VWF: variants seen among roughly 807,000 people sequenced by gnomAD.
VWF encodes von Willebrand factor, also known as Factor VIII related antigen.
A neutral mutation model predicts 308.6 loss-of-function variants in VWF; 176 were observed. The observed-to-expected ratio is 0.57, with a 90% confidence interval of 0.50 to 0.65. VWF has a LOEUF of 0.65. Ranked by LOEUF, VWF falls within the 30% of genes least tolerant of loss-of-function variation. The pLI is 0.00. For missense variants in VWF, 3,146 were observed against 3,648.2 expected (o/e 0.86, Z 3.55); for synonymous variants, 1,385 against 1,443.4 (o/e 0.96, Z 0.92).
rs1944586272 is a variant in VWF, at chr12:6,056,957, G to A, written c.1845C>T (p.Cys615=). ...CGCACAGGCACTCGCGGCCGTCCGA[G>A]CAGGAGCACACGTCGTAGCGGCAGT... The part of the protein sequence containing the change: ...LRNCRYDVCS[C]SDGRECLCGA... Residue 615 remains cysteine (C), a synonymous_variant, in exon 15 of 52, where the codon TGC becomes TGT. Transcript: ENST00000261405. 5.2e-6 allele frequency: 8 copies of A among 1,539,376 alleles called. No homozygotes were observed. The highest frequency in any genetic ancestry group is 2.7e-5 in the African/African-American group (2 of 73,096).
At position 5,975,241 on chromosome 12, in the gene VWF, C is replaced by T. The variant is rs185833790; in HGVS notation, c.7437+870G>A. 7.0e-4 allele frequency among the ~76,000 whole-genome samples: 106 copies of T among 152,378 alleles called. 2 individuals carry two copies. The highest frequency in any genetic ancestry group is 2.5e-3 in the African/African-American group (103 of 41,592). On this transcript the variant is annotated intron_variant, in intron 43 of 51. Transcript: ENST00000261405. The stretch of plus-strand genomic sequence containing the variant: ...AAACCATTCACCTCGAAAACACCTT[C>T]AGGAACTCTGCCTTCACTGCCATTG...
At chr12:6,043,746 G>A (rs1944417172) in intron 18 of VWF, among the ~76,000 whole-genome samples, 2 of 152,222 alleles carry the variant, frequency 1.3e-5, no homozygotes, top group Non-Finnish European at 2.9e-5. Flanking sequence ...GTCATGGAAT[G>A]TTAAGGGCTG....
chr12:5,949,879 CT>C lies in VWF; in HGVS notation c.8159del (p.Glu2720GlyfsTer24). On this transcript the variant is annotated frameshift_variant, in exon 51 of 52. Coordinates refer to ENST00000261405, the MANE Select transcript of VWF (RefSeq NM_000552.5). LOFTEE classifies it high-confidence loss of function. ...CAGTGATGTCGTTGCACTCAGGCTC[CT>C]CACCTACAGGACAGGTGAGAGATGA... ...KIPGTCCDTC[E>X]EPECNDITAR... The C allele has an allele frequency of 6.2e-7, 1 of 1,613,364 alleles. No individual in the cohort carries two copies. The highest frequency in any genetic ancestry group is 1.1e-5 in the South Asian group (1 of 91,084).
At chr12:5,964,519 A>G (rs541995760) in intron 47 of VWF, among the ~76,000 whole-genome samples, 12 of 152,306 alleles carry the variant, frequency 7.9e-5, no homozygotes, top group African/African-American at 2.9e-4. Context: ...ATTTTGCCAC[A>G]TTTAGTGATC....
chr12:6,074,465 C>T (rs1015793312), intron 7 of VWF, among the ~76,000 whole-genome samples: 1 of 150,324 alleles, frequency 6.7e-6, no homozygotes, highest in African/African-American at 2.5e-5. Context: ...AGGTTATCTC[C>T]CCTACCCTAC....
chr12:5,949,841 T>C lies in VWF; in HGVS notation c.8198A>G (p.Tyr2733Cys), dbSNP rs773094944. Residue 2733 changes from tyrosine (Y) to cysteine (C), a missense_variant, in exon 51 of 52, where the codon TAT (tyrosine) becomes TGT (cysteine). This residue lies in a region of VWF where 989 missense variants were observed against 1,117.4 expected (regional missense o/e 0.89). Transcript: ENST00000261405. Reference sequence around the variant, plus strand: ...AGACTTACAGCTTCCCACCTTGACATACTGCAGCCTGGCAGTGATGTCGTT... The same window carrying C: ...AGACTTACAGCTTCCCACCTTGACACACTGCAGCCTGGCAGTGATGTCGTT... ...ECNDITARLQ[Y>C]VKVGSCKSEV... The C allele has an allele frequency of 1.9e-6, 3 of 1,614,166 alleles. No individual in the cohort carries two copies. Among genetic ancestry groups the C allele is most frequent in the Admixed American group, 3.3e-5 (2 of 60,026 alleles).
At chr12:5,974,356 T>G (rs926502793) in intron 43 of VWF, among the ~76,000 whole-genome samples, 2 of 152,144 alleles carry the variant, frequency 1.3e-5, no homozygotes, top group Non-Finnish European at 2.9e-5. Flanking sequence ...CTCGATTCCC[T>G]AGAGCAATCA....
rs769947073 is a variant in VWF at position 6,016,519 on chromosome 12, T to C, written c.5308A>G (p.Ile1770Val). The change falls in exon 30 of 52, where the codon ATC becomes GTC. Residue 1770 changes from isoleucine (I) to valine (V), a missense_variant. Physicochemically the swap from Ile to Val is conservative, Grantham distance 29 (BLOSUM62 3). Coordinates refer to ENST00000261405, the MANE Select transcript of VWF (RefSeq NM_000552.5). ...VMQREGGPSQ[I>V]GDALGFAVRY... is the part of the protein sequence containing the mutation. ...CAGCCTGTGGCACCAACGTTACCGA[T>C]TTGGCTGGGGCCTCCCTCCCGCTGC... The C allele has an allele frequency of 1.2e-6, 2 of 1,613,850 alleles. No homozygotes were observed. Among genetic ancestry groups the C allele is most frequent in the Non-Finnish European group, 1.7e-6 (2 of 1,179,976 alleles).
intron 3 of VWF, among the ~76,000 whole-genome samples, chr12:6,117,797 T>G (rs1216835351): frequency 6.6e-6 from 1 of 152,180 alleles, no homozygotes; most frequent in African/African-American, 2.4e-5. Flanking sequence ...CCTTCCAGCC[T>G]GGACAACACG....
At position 6,096,704 on chromosome 12, in the gene VWF, C is replaced by G. The variant is rs529138843; in HGVS notation, c.533-1120G>C. The stretch of plus-strand genomic sequence containing the variant: ...TTTAGTACTTATAGTGCTCATGCTA[C>G]TGTCAGCTACTCACAATAGACTGTG... On this transcript the variant is annotated intron_variant, in intron 5 of 51. Coordinates refer to ENST00000261405, the MANE Select transcript of VWF (RefSeq NM_000552.5). Among the ~76,000 whole-genome samples the G allele has an allele frequency of 2.0e-5, 3 of 152,348 alleles. No homozygotes were observed. The South Asian group carries it at 6.2e-4, about 32-fold the overall frequency.
intron 20 of VWF, among the ~76,000 whole-genome samples, chr12:6,034,183 A>C (rs1470895436): frequency 6.6e-6 from 1 of 152,114 alleles, no homozygotes; most frequent in Non-Finnish European, 1.5e-5. Flanking sequence ...AATTCCACAA[A>C]GCCATATCGT....
intron 5 of VWF, among the ~76,000 whole-genome samples, chr12:6,105,143 TAC>T (rs1300174920): frequency 1.3e-5 from 2 of 152,104 alleles, no homozygotes; most frequent in Admixed American, 1.3e-4. Context: ...ACTTAATGGG[TAC>T]AAAGTATATT....
chr12:6,116,529 C>G (rs547829821), intron 3 of VWF, among the ~76,000 whole-genome samples: 1 of 152,346 alleles, frequency 6.6e-6, no homozygotes, highest in African/African-American at 2.4e-5. Flanking sequence ...GAAACTAAGG[C>G]TCCCCGGGGG....
intron 42 of VWF, among the ~76,000 whole-genome samples, chr12:5,979,244 G>A (rs1943565983): frequency 1.3e-5 from 2 of 152,208 alleles, no homozygotes; most frequent in South Asian, 4.1e-4. Flanking sequence ...GCAGTTGGGA[G>A]AAAGTTCTTT....
At chr12:5,994,302 T>C in intron 36 of VWF, 99 bp from the exon 37 acceptor site, 2 of 1,591,376 alleles carry the variant, frequency 1.3e-6, no homozygotes. Flanking sequence ...CACCAGAATC[T>C]GACCCTCGCT....
chr12:5,948,886 A>G lies in VWF; in HGVS notation c.*129T>C, dbSNP rs760148394. 5 of 1,150,920 alleles carry G rather than the reference A, an allele frequency of 4.3e-6. No individual in the cohort carries two copies. The highest frequency in any genetic ancestry group is 1.3e-5 in the South Asian group (1 of 74,982). 71.3% of individuals were successfully genotyped at this position (1,150,920 alleles called of 1,614,324 possible). A position where few individuals can be genotyped will look rare whatever the true frequency, so the allele number is the denominator to read the frequency against. On this transcript the variant is annotated 3_prime_UTR_variant, in exon 52 of 52. Transcript: ENST00000261405. The surrounding 1 kb of genome is among the most constrained non-coding windows in gnomAD (Gnocchi z 4.4). ...CAGTGCACCAGCAGCCTTTTGCAAG[A>G]TAAGAGCTCAGCCTTTATTGTGGGC...
chr12:6,103,397 CACGTGTGTGT>C (rs1945194861), intron 5 of VWF, among the ~76,000 whole-genome samples: 2 of 109,564 alleles, frequency 1.8e-5, no homozygotes, highest in Non-Finnish European at 3.3e-5. Flanking sequence ...TGTGTGTATA[CACGTGTGTGT>C]ATACACACGT....
At chr12:6,065,591 C>A (rs1944704917) in intron 10 of VWF, among the ~76,000 whole-genome samples, 1 of 152,206 alleles carries the variant, frequency 6.6e-6, no homozygotes, top group Admixed American at 6.5e-5. Context: ...CCTGCAGCCT[C>A]CCCTCCTCCC....
chr12:6,025,242 G>A (rs1373817720), intron 24 of VWF, among the ~76,000 whole-genome samples: 1 of 152,216 alleles, frequency 6.6e-6, no homozygotes, highest in Non-Finnish European at 1.5e-5. Flanking sequence ...GCAGTGACAG[G>A]AAAAGGAAAT....
Sources: allele counts gnomAD v4.1 joint callset (sites outside exome capture counted in the v4.1 genomes callset), GRCh38; gene constraint gnomAD v4.1.1; regional missense constraint gnomAD v4.1.1; non-coding constraint Gnocchi (gnomAD v3.1); transcripts MANE v1.5; gene names NCBI Gene and HGNC (gene_info 2026-07-23, HGNC 2026-07-21).